GRAMD1B: variants seen among roughly 807,000 people sequenced by gnomAD.
GRAMD1B encodes GRAM domain containing 1B, also known as protein Aster-B.
A neutral mutation model predicts 99.7 loss-of-function variants in GRAMD1B; 37 were observed. That is an observed-to-expected ratio of 0.37 (90% CI 0.29 to 0.49). The LOEUF (loss-of-function observed/expected upper bound fraction) is 0.49. GRAMD1B is among the 20% of genes least tolerant of loss of function. The probability of loss-of-function intolerance (pLI) is 0.98; values close to 1 mark genes in which losing one functional copy is unlikely to be tolerated. For missense variants in GRAMD1B, 888 were observed against 1,009.2 expected (o/e 0.88, Z 1.63); for synonymous variants, 427 against 387.6 (o/e 1.10, Z -1.19).
At chr11:123,436,255 T>G (rs1235065791) in intron 1 of GRAMD1B, among the ~76,000 whole-genome samples, 4 of 152,134 alleles carry the variant, frequency 2.6e-5, no homozygotes, top group Non-Finnish European at 5.9e-5. Flanking sequence ...CTCATACTTT[T>G]TGGCTAGCAC....
rs1018727992 is a variant in GRAMD1B at position 123,627,610 on chromosome 11, A to T, written c.*5015A>T. On this transcript the variant is annotated 3_prime_UTR_variant, in exon 20 of 20. Coordinates refer to ENST00000635736, the MANE Select transcript of GRAMD1B (RefSeq NM_001387025.1). ...GAGTTGTCTGGCCATCTGTATTTGG[A>T]TCTATAACTGTACTTTGCCTGGCGC... 3 of 152,260 alleles carry T rather than the reference A, an allele frequency of 2.0e-5. No homozygotes were observed. Among genetic ancestry groups the T allele is most frequent in the African/African-American group, 7.2e-5 (3 of 41,460 alleles). 9.4% of individuals were successfully genotyped at this position (152,260 alleles called of 1,614,324 possible). A position where few individuals can be genotyped will look rare whatever the true frequency, so the allele number is the denominator to read the frequency against.
chr11:123,600,953 G>T (rs1246329645), intron 8 of GRAMD1B, among the ~76,000 whole-genome samples: 1 of 152,132 alleles, frequency 6.6e-6, no homozygotes, highest in Non-Finnish European at 1.5e-5. Flanking sequence ...TGTAGTTTTT[G>T]CAGGAAGGAG....
rs1008342648 is a variant in GRAMD1B, at chr11:123,423,069, A to C, written c.-175-57747A>C. 3.3e-5 allele frequency among the ~76,000 whole-genome samples: 5 copies of C among 152,146 alleles called. No individual in the cohort carries two copies. The East Asian group carries it at 9.6e-4, about 29-fold the overall frequency. Reference sequence around the variant, plus strand: ...AGAAACTTCACACTACTTACTATTAAGGTATGCTTAGAGTCTGGGAAGATT... The same window carrying C: ...AGAAACTTCACACTACTTACTATTACGGTATGCTTAGAGTCTGGGAAGATT... On this transcript the variant is annotated intron_variant, in intron 1 of 20. Coordinates refer to the GRAMD1B transcript ENST00000638157.
At chr11:123,406,373 C>T (rs1947857468) in intron 1 of GRAMD1B, among the ~76,000 whole-genome samples, 1 of 152,144 alleles carries the variant, frequency 6.6e-6, no homozygotes, top group Non-Finnish European at 1.5e-5. Flanking sequence ...CCCGCCTCAG[C>T]CTCCCGAGTA....
chr11:123,621,942 C>CTCTT (rs1427638688), intron 19 of GRAMD1B, among the ~76,000 whole-genome samples: 5 of 148,228 alleles, frequency 3.4e-5, no homozygotes, highest in East Asian at 3.9e-4. Flanking sequence ...CTTCCTTTCT[C>CTCTT]TCTTTCTTTC....
intron 2 of GRAMD1B, chr11:123,560,205 G>A: frequency 9.7e-7 from 1 of 1,030,682 alleles, no homozygotes; most frequent in Non-Finnish European, 1.2e-6. Context: ...GTGCGTGTCT[G>A]CGCGCAAGAG....
intron 1 of GRAMD1B, among the ~76,000 whole-genome samples, chr11:123,468,033 T>A (rs901643307): frequency 6.6e-6 from 1 of 151,916 alleles, no homozygotes; most frequent in Non-Finnish European, 1.5e-5. Context: ...CAGCTATTTT[T>A]TTGTATTTTT....
chr11:123,448,412 G>T, intron 1 of GRAMD1B, among the ~76,000 whole-genome samples: 1 of 152,242 alleles, frequency 6.6e-6, no homozygotes, highest in East Asian at 1.9e-4. Flanking sequence ...TAGAGACGGG[G>T]TTTCGCCATA....
At chr11:123,426,595 T>C (rs993628198), upstream of GRAMD1B, among the ~76,000 whole-genome samples, 4 of 151,856 alleles carry the variant, frequency 2.6e-5, no homozygotes, top group East Asian at 1.9e-4. Flanking sequence ...ACCGTTGGGA[T>C]TGGCCGTTCG....
At position 123,625,605 on chromosome 11, in the gene GRAMD1B, C is replaced by G. The variant is rs1360874620; in HGVS notation, c.*3010C>G. On this transcript the variant is annotated 3_prime_UTR_variant, in exon 20 of 20. Transcript: ENST00000635736. ...TGCACTGACGGTTTGGAGACCTGAG[C>G]CTGGGTCCTGACTTTTCCATTGACT... 1.3e-5 allele frequency: 2 copies of G among 152,254 alleles called. No homozygotes were observed. Among genetic ancestry groups the G allele is most frequent in the African/African-American group, 4.8e-5 (2 of 41,436 alleles). The allele number at this position is 152,254 out of a possible 1,614,324, so 9.4% of individuals were successfully genotyped here.
At chr11:123,462,596 C>T (rs1473779265) in intron 1 of GRAMD1B, among the ~76,000 whole-genome samples, 1 of 152,192 alleles carries the variant, frequency 6.6e-6, no homozygotes, top group African/African-American at 2.4e-5. Flanking sequence ...CGCTCCAGCA[C>T]TGGAGTGTGC....
intron 1 of GRAMD1B, among the ~76,000 whole-genome samples, chr11:123,359,757 A>T (rs1192295607): frequency 6.6e-6 from 1 of 152,120 alleles, no homozygotes; most frequent in South Asian, 2.1e-4. Flanking sequence ...GGAAATAATA[A>T]TTTTTAAAAA....
chr11:123,429,897 G>A (rs1948786158), upstream of GRAMD1B, among the ~76,000 whole-genome samples: 1 of 152,156 alleles, frequency 6.6e-6, no homozygotes, highest in African/African-American at 2.4e-5. This position sits in a 1 kb window ranked among gnomAD's most constrained non-coding sequence, Gnocchi z 4.0. Context: ...TAGGAGACAA[G>A]AGCTAGTTGA....
chr11:123,590,095 CTTT>C, intron 4 of GRAMD1B, among the ~76,000 whole-genome samples: 1 of 152,166 alleles, frequency 6.6e-6, no homozygotes, highest in East Asian at 1.9e-4. Context: ...AAAATCTGTG[CTTT>C]TAGTATTGCT....
At chr11:123,482,494 A>C (rs921580094) in intron 2 of GRAMD1B, among the ~76,000 whole-genome samples, 2 of 152,212 alleles carry the variant, frequency 1.3e-5, no homozygotes, top group African/African-American at 4.8e-5. Context: ...AGGGAGCCTA[A>C]TTTGATAGCA....
In GRAMD1B at chr11:123,614,752, A is replaced by T; in HGVS notation, c.2235A>T (p.Thr745=). ...GHRIKHVAGS[T]QTRHIPEDTP... ...CTTTAATTCTCCCCACAGGTTCCACACAGACGCGGCATATCCCGGAGGACA... is the reference window on the plus strand; with the variant it reads ...CTTTAATTCTCCCCACAGGTTCCACTCAGACGCGGCATATCCCGGAGGACA... Residue 745 remains threonine (T), a synonymous_variant, in exon 17 of 20, where the codon ACA becomes ACT. Coordinates refer to ENST00000635736, the MANE Select transcript of GRAMD1B (RefSeq NM_001387025.1). 1 of 1,608,560 alleles carries T rather than the reference A, an allele frequency of 6.2e-7. No homozygotes were observed. Among genetic ancestry groups the T allele is most frequent in the Non-Finnish European group, 8.5e-7 (1 of 1,175,116 alleles).
chr11:123,594,605 T>C, intron 5 of GRAMD1B, 130 bp from the exon 6 acceptor site: 1 of 643,188 alleles, frequency 1.6e-6, no homozygotes, highest in South Asian at 1.8e-5. Flanking sequence ...TTCAAGTGTC[T>C]GGCACCCCTT....
chr11:123,432,291 T>C (rs1328284564), intron 1 of GRAMD1B, among the ~76,000 whole-genome samples: 2 of 152,096 alleles, frequency 1.3e-5, no homozygotes, highest in Non-Finnish European at 2.9e-5. Context: ...GCACAGTGGC[T>C]CACACCTGTA....
At chr11:123,402,109 TG>T (rs1439258130) in intron 1 of GRAMD1B, among the ~76,000 whole-genome samples, 2 of 152,086 alleles carry the variant, frequency 1.3e-5, no homozygotes, top group Non-Finnish European at 2.9e-5. Flanking sequence ...TCCGCTTCCC[TG>T]GTTCAAGCGA....
Sources: gnomAD v4.1 joint callset for allele counts (sites outside exome capture counted in the v4.1 genomes callset) on GRCh38, gnomAD v4.1.1 for gene constraint, Gnocchi (gnomAD v3.1) non-coding constraint, MANE v1.5 for transcripts, NCBI Gene and HGNC (gene_info 2026-07-23, HGNC 2026-07-21) for gene names.